The following ACLY variants were observed in gnomAD, a reference collection of about 807,000 sequenced individuals.
ACLY encodes the protein ATP citrate lyase.
ACLY carries 41 observed loss-of-function variants against 133.0 expected under a neutral mutation model. The observed-to-expected ratio is 0.31, with a 90% CI of 0.24 to 0.40. ACLY has a LOEUF of 0.40. Ranked by LOEUF, ACLY falls within the 10% of genes least tolerant of loss-of-function variation. The pLI, the probability that ACLY is intolerant of heterozygous loss-of-function variation, is 1.00. For synonymous variants in ACLY, 495 were observed against 549.3 expected, an observed-to-expected ratio of 0.90 and a Z score of 1.38; for missense variants, 1,046 against 1,453.8, an observed-to-expected ratio of 0.72 and a Z score of 4.56.
At chr17:41,914,541 GCTCTTTTCTC>G (rs1320415859) in intron 1 of ACLY, among the ~76,000 whole-genome samples, 4 of 152,296 alleles carry the variant, frequency 2.6e-5, no homozygotes, top group African/African-American at 7.2e-5. Context: ...TCATCGCTAA[GCTCTTTTCTC>G]CTCTTTTCTC....
At chr17:41,899,771 A>G (rs977447593) in intron 11 of ACLY, among the ~76,000 whole-genome samples, 2 of 152,078 alleles carry the variant, frequency 1.3e-5, no homozygotes, top group African/African-American at 4.8e-5. Flanking sequence ...AAAAGAAAAC[A>G]AAAGGCTCAC....
chr17:41,884,339 T>C lies in ACLY; in HGVS notation c.2073-65A>G, dbSNP rs193275618. ...GAGGCCTGGGGAAGTGTGTACAGGG[T>C]TAGGAAGCACACTTGTACTGGGTAC... On this transcript the variant is annotated intron_variant, in intron 18 of 28. Transcript: ENST00000352035. 5.6e-6 allele frequency: 6 copies of C among 1,077,184 alleles called. No homozygotes were observed. The Admixed American group carries it at 1.0e-4, about 18-fold the overall frequency. The allele number at this position is 1,077,184 out of a possible 1,614,324, so 66.7% of individuals were successfully genotyped here. A position where few individuals can be genotyped will look rare whatever the true frequency, so the allele number is the denominator to read the frequency against.
intron 11 of ACLY, among the ~76,000 whole-genome samples, chr17:41,899,890 C>A (rs2049478945): frequency 6.6e-6 from 1 of 150,902 alleles, no homozygotes; most frequent in Non-Finnish European, 1.5e-5. Context: ...AAAAAATTAG[C>A]CAGGTGTGTG....
intron 14 of ACLY, among the ~76,000 whole-genome samples, chr17:41,893,840 C>T (rs1021488003): frequency 2.6e-5 from 4 of 152,192 alleles, no homozygotes; most frequent in African/African-American, 4.8e-5. Context: ...CCTGTTTTTC[C>T]TGTCCTTCTC....
intron 7 of ACLY, 50 bp downstream of exon 7, chr17:41,907,392 T>TCCCCCCCCC: frequency 6.7e-7 from 1 of 1,491,980 alleles, no homozygotes; most frequent in Middle Eastern, 2.1e-4. Context: ...ATGAGTCACC[T>TCCCCCCCCC]CCCCACCGCC....
chr17:41,891,282 G>A (rs2049203442), intron 16 of ACLY, among the ~76,000 whole-genome samples: 1 of 152,026 alleles, frequency 6.6e-6, no homozygotes, highest in South Asian at 2.1e-4. Flanking sequence ...CCCCGCCTCT[G>A]CCGCCCAACA....
At chr17:41,892,243 TCCCC>T in intron 16 of ACLY, 32 bp downstream of exon 16, 1 of 313,846 alleles carries the variant, frequency 3.2e-6, no homozygotes. Flanking sequence ...TAGTTCATGG[TCCCC>T]ACCCCCCACC....
At chr17:41,904,707 G>A in intron 10 of ACLY, 22 bp downstream of exon 10, 2 of 1,610,954 alleles carry the variant, frequency 1.2e-6, no homozygotes, top group Non-Finnish European at 1.7e-6. Context: ...CCCAGAAACT[G>A]CACCACTGTT....
chr17:41,867,155 T>C lies in ACLY; in HGVS notation c.*655A>G, dbSNP rs2048488854. ...TTTAAATGTATGTATGTTACAACTTTACATATTAAGTTACTACTCCACATA... is the reference window on the plus strand; with the variant it reads ...TTTAAATGTATGTATGTTACAACTTCACATATTAAGTTACTACTCCACATA... On this transcript the variant is annotated 3_prime_UTR_variant, in exon 29 of 29. Transcript: ENST00000352035. 1 of 152,646 alleles carries C rather than the reference T, an allele frequency of 6.6e-6. No homozygotes were observed. Among genetic ancestry groups the C allele is most frequent in the African/African-American group, 2.4e-5 (1 of 41,456 alleles). 9.5% of individuals were successfully genotyped at this position (152,646 alleles called of 1,614,324 possible).
chr17:41,879,685 A>AAAAAAAAAAAAAAAAAG (rs1597981614), intron 20 of ACLY, among the ~76,000 whole-genome samples: 1 of 127,248 alleles, frequency 7.9e-6, no homozygotes. Context: ...AAAAAAAAAA[A>AAAAAAAAAAAAAAAAAG]AAGAAGTGCT....
chr17:41,906,062 G>C (rs2049706480), intron 8 of ACLY, among the ~76,000 whole-genome samples: 1 of 152,212 alleles, frequency 6.6e-6, no homozygotes, highest in Non-Finnish European at 1.5e-5. Context: ...ATCTAGAAGT[G>C]AGCAGGTGTC....
intron 16 of ACLY, among the ~76,000 whole-genome samples, chr17:41,890,735 T>C (rs2049183474): frequency 6.8e-6 from 1 of 146,428 alleles, no homozygotes; most frequent in Non-Finnish European, 1.5e-5. Context: ...GTGCAGTGGC[T>C]CACTCCTGTA....
At chr17:41,902,184 G>A (rs2049559599) in intron 10 of ACLY, among the ~76,000 whole-genome samples, 1 of 152,172 alleles carries the variant, frequency 6.6e-6, no homozygotes, top group Non-Finnish European at 1.5e-5. Context: ...CATAGTCAAT[G>A]TCCTACAAAA....
At chr17:41,918,425 C>T (rs1372830824) in intron 1 of ACLY, among the ~76,000 whole-genome samples, 1 of 152,224 alleles carries the variant, frequency 6.6e-6, no homozygotes, top group East Asian at 1.9e-4. Context: ...GGGCCTGAGC[C>T]CGGCCAGTGA....
intron 22 of ACLY, among the ~76,000 whole-genome samples, chr17:41,876,776 G>A (rs561518621): frequency 3.3e-5 from 5 of 152,216 alleles, no homozygotes; most frequent in East Asian, 1.9e-4. Context: ...CAAACACTGC[G>A]GAAGGCCCCA....
intron 6 of ACLY, 30 bp from the exon 7 acceptor site, chr17:41,907,602 C>G: frequency 6.2e-7 from 1 of 1,609,076 alleles, no homozygotes; most frequent in Non-Finnish European, 8.5e-7. Context: ...AATCATCAGA[C>G]ACCGGCTCTG....
At chr17:41,920,000 A>C (rs1555635248), upstream of ACLY, among the ~76,000 whole-genome samples, 2 of 152,216 alleles carry the variant, frequency 1.3e-5, no homozygotes, top group Non-Finnish European at 2.9e-5. Flanking sequence ...AGCTCCAGGA[A>C]GGAGGCCAAA....
chr17:41,884,131 T>C lies in ACLY; in HGVS notation c.2154+62A>G, dbSNP rs2048990466. 1.1e-5 allele frequency: 11 copies of C among 1,041,156 alleles called. No homozygotes were observed. The South Asian group carries it at 1.4e-4, about 14-fold the overall frequency. 64.5% of individuals were successfully genotyped at this position (1,041,156 alleles called of 1,614,324 possible). A position where few individuals can be genotyped will look rare whatever the true frequency, so the allele number is the denominator to read the frequency against. On this transcript the variant is annotated intron_variant, in intron 19 of 28. Transcript: ENST00000352035. ...ATGTAACCAAAATGTTTTAATTTTT[T>C]GAAAACTGAGATCATGCATTACAGT... is the stretch of plus-strand genomic sequence containing the variant.
At chr17:41,922,249 C>T (rs574032976), upstream of ACLY, among the ~76,000 whole-genome samples, 12 of 151,640 alleles carry the variant, frequency 7.9e-5, no homozygotes, top group East Asian at 2.1e-3. Flanking sequence ...CATGGTGGCA[C>T]GTGCCTGTAG....
Sources: gnomAD v4.1 joint callset for allele counts (sites outside exome capture counted in the v4.1 genomes callset) on GRCh38, gnomAD v4.1.1 for gene constraint, MANE v1.5 for transcripts, NCBI Gene and HGNC (gene_info 2026-07-23, HGNC 2026-07-21) for gene names.